DOCK7: variants seen among roughly 807,000 people sequenced by gnomAD.
The protein encoded by DOCK7 is dedicator of cytokinesis 7.
DOCK7 carries 138 observed loss-of-function variants against 271.0 expected under a neutral mutation model. The observed-to-expected ratio is 0.51, with a 90% CI of 0.44 to 0.59. DOCK7 has a LOEUF of 0.59. Among genes scored for constraint, DOCK7 ranks in the 20% least tolerant of loss-of-function variants. The probability of loss-of-function intolerance (pLI) is 0.00; values close to 1 mark genes in which losing one functional copy is unlikely to be tolerated. For missense variants in DOCK7, 2,066 were observed against 2,592.4 expected, an observed-to-expected ratio of 0.80 and a Z score of 4.41; for synonymous variants, 823 against 876.1, an observed-to-expected ratio of 0.94 and a Z score of 1.07.
At chr1:62,525,109 G>A (rs1644968180) in intron 31 of DOCK7, among the ~76,000 whole-genome samples, 1 of 151,198 alleles carries the variant, frequency 6.6e-6, no homozygotes, top group Non-Finnish European at 1.5e-5. Flanking sequence ...AGGTTCAAGT[G>A]ATTCTCCTGT....
Position 62,489,598 on chromosome 1 carries a change from T to C in DOCK7, c.5362-533A>G, listed in dbSNP as rs375432191. Among the ~76,000 whole-genome samples, 30 of 152,316 alleles carry C rather than the reference T, an allele frequency of 2.0e-4. No homozygotes were observed. The East Asian group carries it at 4.0e-3, about 21-fold the overall frequency. ...GGATAAATGGGTATGTATGTAGATA[T>C]GTGTATGTGTGTGTATATTAATATA... On this transcript the variant is annotated intron_variant, in intron 41 of 49. Coordinates refer to ENST00000635253, the MANE Select transcript of DOCK7 (RefSeq NM_001367561.1).
chr1:62,536,819 T>C (rs1420996455), intron 28 of DOCK7, among the ~76,000 whole-genome samples: 1 of 152,208 alleles, frequency 6.6e-6, no homozygotes, highest in Non-Finnish European at 1.5e-5. Flanking sequence ...TCAGGAATAA[T>C]ACAGTAGAAC....
intron 22 of DOCK7, among the ~76,000 whole-genome samples, chr1:62,551,742 C>G (rs1464237562): frequency 6.6e-6 from 1 of 151,754 alleles, no homozygotes; most frequent in East Asian, 1.9e-4. Context: ...ACAAGGCTGA[C>G]AAATTCTCAT....
intron 14 of DOCK7, 102 bp from the exon 15 acceptor site, chr1:62,586,726 G>A: frequency 1.6e-6 from 1 of 621,916 alleles, no homozygotes; most frequent in Non-Finnish European, 2.7e-6. Flanking sequence ...CTGAATTACT[G>A]ATATTGGCTA....
At chr1:62,552,042 A>T (rs1170563709) in intron 22 of DOCK7, among the ~76,000 whole-genome samples, 2 of 152,076 alleles carry the variant, frequency 1.3e-5, no homozygotes, top group Non-Finnish European at 2.9e-5. Context: ...TCTTTAGGAA[A>T]GTTTCTGAAA....
intron 14 of DOCK7, among the ~76,000 whole-genome samples, chr1:62,618,449 A>G (rs924830249): frequency 1.3e-5 from 2 of 152,188 alleles, no homozygotes; most frequent in Non-Finnish European, 2.9e-5. Flanking sequence ...ACTCACCTCT[A>G]AAATAAAAGT....
intron 48 of DOCK7, among the ~76,000 whole-genome samples, chr1:62,471,240 G>A (rs1168781035): frequency 6.6e-6 from 1 of 152,114 alleles, no homozygotes; most frequent in Non-Finnish European, 1.5e-5. Flanking sequence ...AGTTTCTGGG[G>A]TGGGGAGGGT....
At chr1:62,670,010 G>A (rs1224489330) in intron 1 of DOCK7, among the ~76,000 whole-genome samples, 5 of 152,260 alleles carry the variant, frequency 3.3e-5, no homozygotes, top group Non-Finnish European at 7.3e-5. Flanking sequence ...CTGGCCCCGG[G>A]CAATGGGGGA....
intron 31 of DOCK7, among the ~76,000 whole-genome samples, chr1:62,514,801 G>A (rs2149342926): frequency 6.6e-6 from 1 of 152,216 alleles, no homozygotes; most frequent in African/African-American, 2.4e-5. Context: ...AGGCTAGAGA[G>A]TAATTTGCCT....
chr1:62,562,005 T>C (rs1435452762), intron 18 of DOCK7, among the ~76,000 whole-genome samples: 1 of 151,764 alleles, frequency 6.6e-6, no homozygotes. Flanking sequence ...TATGTACATA[T>C]ATATGTACAT....
At chr1:62,603,861 C>T (rs1650522041) in intron 14 of DOCK7, 2 of 1,049,642 alleles carry the variant, frequency 1.9e-6, no homozygotes, top group Admixed American at 4.1e-5. Context: ...TCAAGGGATT[C>T]AAGACTAAAC....
intron 14 of DOCK7, among the ~76,000 whole-genome samples, chr1:62,591,704 C>T (rs890406678): frequency 2.6e-5 from 4 of 152,120 alleles, no homozygotes; most frequent in Non-Finnish European, 4.4e-5. Flanking sequence ...CTTTGCTTTG[C>T]GGGCATGGAC....
intron 4 of DOCK7, 111 bp downstream of exon 4, chr1:62,653,614 G>C: frequency 1.4e-6 from 1 of 691,084 alleles, no homozygotes; most frequent in African/African-American, 1.9e-5. Context: ...TGTTTCTTCA[G>C]CTATTTTGTT....
intron 14 of DOCK7, among the ~76,000 whole-genome samples, chr1:62,618,096 C>T (rs989697738): frequency 6.6e-6 from 1 of 151,946 alleles, no homozygotes; most frequent in Non-Finnish European, 1.5e-5. Context: ...GTTCTGGTCT[C>T]GGCATTCACA....
Position 62,505,614 on chromosome 1 carries a change from A to C in DOCK7, c.4611+68T>G, listed in dbSNP as rs1646914801. 6.7e-6 allele frequency: 10 copies of C among 1,485,224 alleles called. No homozygotes were observed. In the South Asian group the frequency reaches 1.4e-4, roughly 20 times the overall value. The allele number at this position is 1,485,224 out of a possible 1,614,324, so 92.0% of individuals were successfully genotyped here. A position where few individuals can be genotyped will look rare whatever the true frequency, so the allele number is the denominator to read the frequency against. ...ACATATATTAACCAATGAATGTGTC[A>C]AATGATCTTAGACAATGTTAATAAA... On this transcript the variant is annotated intron_variant, in intron 36 of 49. Transcript: ENST00000635253.
In DOCK7 at chr1:62,637,142, A is replaced by G. The variant is rs964435065; in HGVS notation, c.819-539T>C. 5.9e-5 allele frequency among the ~76,000 whole-genome samples: 9 copies of G among 152,338 alleles called. No homozygotes were observed. The East Asian group carries it at 1.7e-3, about 29-fold the overall frequency. On this transcript the variant is annotated intron_variant, in intron 7 of 49. Transcript: ENST00000635253. ...ATTTTTTTAAACAGTGTCACAGTAT[A>G]CATAATTTGTAGTCTGCTTTTTTAA...
At chr1:62,503,148 AG>A (rs1259524840) in intron 37 of DOCK7, among the ~76,000 whole-genome samples, 3 of 152,178 alleles carry the variant, frequency 2.0e-5, no homozygotes, top group Non-Finnish European at 2.9e-5. Context: ...TAAAAGCTAA[AG>A]GAGAAACAGA....
chr1:62,520,979 A>T (rs1644830670), intron 31 of DOCK7, among the ~76,000 whole-genome samples: 1 of 152,090 alleles, frequency 6.6e-6, no homozygotes, highest in Non-Finnish European at 1.5e-5. Flanking sequence ...GGAAACCATC[A>T]TTCTCAGCAA....
chr1:62,604,422 T>A, intron 14 of DOCK7: 1 of 891,306 alleles, frequency 1.1e-6, no homozygotes, highest in Non-Finnish European at 1.7e-6. Flanking sequence ...TTACCTCTAA[T>A]CTTCCTCAGA....
Sources: gnomAD v4.1 joint callset for allele counts (sites outside exome capture counted in the v4.1 genomes callset) on GRCh38, gnomAD v4.1.1 for gene constraint, MANE v1.5 for transcripts, NCBI Gene and HGNC (gene_info 2026-07-23, HGNC 2026-07-21) for gene names.